The following MDH1 variants were observed in gnomAD, a reference collection of about 807,000 sequenced individuals.
MDH1 encodes malate dehydrogenase 1.
Under a neutral mutation model 38.7 loss-of-function variants are expected in MDH1, and 15 were observed. The observed-to-expected ratio is 0.39, with a 90% CI of 0.26 to 0.60. MDH1 has a LOEUF of 0.60. Ranked by LOEUF, MDH1 falls within the 20% of genes least tolerant of loss-of-function variation. MDH1 has a pLI of 0.56. For missense variants in MDH1, 368 were observed against 405.2 expected, an observed-to-expected ratio of 0.91 and a Z score of 0.79; for synonymous variants, 144 against 143.6, an observed-to-expected ratio of 1.00 and a Z score of -0.02.
chr2:63,602,934 C>CTTTTTTTTTTTTTTTTTT lies in MDH1; in HGVS notation c.499-1736_499-1719dup, dbSNP rs370479356. 1.4e-4 allele frequency among the ~76,000 whole-genome samples: 18 copies of CTTTTTTTTTTTTTTTTTT among 131,530 alleles called. 2 individuals carry two copies. The highest frequency in any genetic ancestry group is 2.4e-4 in the South Asian group (1 of 4,162). The allele number at this position is 131,530 out of a possible 152,430, so 86.3% of individuals were successfully genotyped here. ...ACATAATACAGTTTATTTAACCGTT[C>CTTTTTTTTTTTTTTTTTT]TTTTTTTTTTTTTTTTTTTTTTTTT... On this transcript the variant is annotated intron_variant, in intron 5 of 8. Coordinates refer to ENST00000233114, the MANE Select transcript of MDH1 (RefSeq NM_005917.4).
intron 4 of MDH1, 105 bp downstream of exon 4, chr2:63,597,679 G>A: frequency 1.9e-6 from 2 of 1,033,448 alleles, no homozygotes; most frequent in Non-Finnish European, 1.3e-6. Flanking sequence ...TTCTAGTTCT[G>A]TACAATCATC....
intron 1 of MDH1, chr2:63,590,878 T>C (rs1232473145): frequency 2.6e-5 from 4 of 152,224 alleles, no homozygotes; most frequent in African/African-American, 7.2e-5. Flanking sequence ...AAAAGAGCCT[T>C]CTTCTGTAAG....
chr2:63,597,035 A>C (rs1431953704), intron 3 of MDH1, among the ~76,000 whole-genome samples: 2 of 152,186 alleles, frequency 1.3e-5, no homozygotes, highest in Non-Finnish European at 2.9e-5. Context: ...AGTAATTGTA[A>C]TTTAAAGGTT....
At position 63,604,960 on chromosome 2, in the gene MDH1, C is replaced by T. The variant is rs1575727029; in HGVS notation, c.675+88C>T. 6.0e-6 allele frequency: 8 copies of T among 1,326,740 alleles called. No individual in the cohort carries two copies. The East Asian group carries it at 1.9e-4, about 31-fold the overall frequency. 82.2% of individuals were successfully genotyped at this position (1,326,740 alleles called of 1,614,324 possible). A position where few individuals can be genotyped will look rare whatever the true frequency, so the allele number is the denominator to read the frequency against. On this transcript the variant is annotated intron_variant, in intron 6 of 8. Coordinates refer to ENST00000233114, the MANE Select transcript of MDH1 (RefSeq NM_005917.4). The stretch of plus-strand genomic sequence containing the variant: ...ACAGAAAACCTTAAAGAGGGCAGGT[C>T]TTTCACAGTTGCTCTGATGACTGCA...
Position 63,604,877 on chromosome 2 carries a change from GA to G in MDH1, c.675+10del. ...CTCAAGGGAGAATTTGTCACGGTAA[GA>G]AAAATCTGTGAGCCTTCTTAACACT... On this transcript the variant is annotated splice_donor_region_variant and intron_variant, in intron 6 of 8. Coordinates refer to ENST00000233114, the MANE Select transcript of MDH1 (RefSeq NM_005917.4). 6.2e-7 allele frequency: 1 copy of G among 1,613,652 alleles called. No individual in the cohort carries two copies. Among genetic ancestry groups the G allele is most frequent in the Non-Finnish European group, 8.5e-7 (1 of 1,179,756 alleles).
Position 63,607,191 on chromosome 2 carries a change from A to G in MDH1, c.*204A>G, listed in dbSNP as rs955989108. On this transcript the variant is annotated 3_prime_UTR_variant, in exon 9 of 9. Coordinates refer to ENST00000233114, the MANE Select transcript of MDH1 (RefSeq NM_005917.4). ...TGCATTCTAAATAAATATATATTCA[A>G]ATGAAAGTGACTCAGACTCTGTTTC... is the stretch of plus-strand genomic sequence containing the variant. 4 of 331,618 alleles carry G rather than the reference A, an allele frequency of 1.2e-5. No individual in the cohort carries two copies. Among genetic ancestry groups the G allele is most frequent in the African/African-American group, 4.3e-5 (2 of 46,198 alleles). The allele number at this position is 331,618 out of a possible 1,614,324, so 20.5% of individuals were successfully genotyped here.
At chr2:63,595,784 T>G (rs1263312774) in intron 3 of MDH1, among the ~76,000 whole-genome samples, 1 of 152,220 alleles carries the variant, frequency 6.6e-6, no homozygotes, top group East Asian at 1.9e-4. Context: ...AAGTGTAATA[T>G]TGCACAAGGG....
At chr2:63,604,371 T>G (rs1334894376) in intron 5 of MDH1, among the ~76,000 whole-genome samples, 1 of 152,238 alleles carries the variant, frequency 6.6e-6, no homozygotes, top group Non-Finnish European at 1.5e-5. Context: ...CAAGAAATAG[T>G]AAATTGATAA....
chr2:63,601,467 GA>G (rs1709417234), intron 5 of MDH1, among the ~76,000 whole-genome samples: 1 of 152,188 alleles, frequency 6.6e-6, no homozygotes, highest in Admixed American at 6.5e-5. Flanking sequence ...TAGCTTGTAA[GA>G]AAATTACTAG....
Position 63,607,083 on chromosome 2 carries a change from C to G in MDH1, c.*96C>G. The G allele has an allele frequency of 1.6e-6, 2 of 1,254,876 alleles. No individual in the cohort carries two copies. Among genetic ancestry groups the G allele is most frequent in the Non-Finnish European group, 2.2e-6 (2 of 920,528 alleles). The allele number at this position is 1,254,876 out of a possible 1,614,324, so 77.7% of individuals were successfully genotyped here. ...TAATAATAATGCTATACTTAAATTA[C>G]TTGTGAAAAACAACACATTTTAAAG... On this transcript the variant is annotated 3_prime_UTR_variant, in exon 9 of 9. Coordinates refer to ENST00000233114, the MANE Select transcript of MDH1 (RefSeq NM_005917.4).
chr2:63,595,746 T>G (rs1709298247), intron 3 of MDH1, among the ~76,000 whole-genome samples: 1 of 152,172 alleles, frequency 6.6e-6, no homozygotes, highest in Admixed American at 6.5e-5. Context: ...CCCCAATGTG[T>G]GTGTGTATAT....
chr2:63,605,424 C>T, intron 7 of MDH1, 31 bp downstream of exon 7: 1 of 1,450,976 alleles, frequency 6.9e-7, no homozygotes, highest in Non-Finnish European at 9.7e-7. Flanking sequence ...ACAGGTCACT[C>T]TATTTTATTT....
intron 5 of MDH1, among the ~76,000 whole-genome samples, chr2:63,601,019 T>G (rs1308935313): frequency 6.6e-6 from 1 of 152,214 alleles, no homozygotes; most frequent in Non-Finnish European, 1.5e-5. Context: ...AGAGATACTT[T>G]GTCCTGGTGC....
Position 63,606,956 on chromosome 2 carries a change from A to C in MDH1, c.974A>C (p.Glu325Ala). Residue 325 changes from glutamate (E) to alanine (A), a missense_variant, in exon 9 of 9, where the codon GAA becomes GCA. Coordinates refer to ENST00000233114, the MANE Select transcript of MDH1 (RefSeq NM_005917.4). ...LTAKELTEEK[E>A]SAFEFLSSA is the part of the protein sequence containing the mutation. Reference sequence around the variant, plus strand: ...GCAAAGGAACTGACAGAAGAAAAAGAAAGTGCTTTTGAATTTCTTTCCTCT... The same window carrying C: ...GCAAAGGAACTGACAGAAGAAAAAGCAAGTGCTTTTGAATTTCTTTCCTCT... The C allele has an allele frequency of 6.2e-7, 1 of 1,612,838 alleles. No homozygotes were observed.
intron 1 of MDH1, chr2:63,593,208 A>C (rs1208461431): frequency 6.0e-6 from 1 of 165,560 alleles, no homozygotes; most frequent in Non-Finnish European, 1.3e-5. Context: ...CAAGTGATTC[A>C]CCTGCCTCAG....
intron 3 of MDH1, 154 bp from the exon 4 acceptor site, chr2:63,597,245 T>C: frequency 1.0e-6 from 1 of 965,388 alleles, no homozygotes. Flanking sequence ...GTTAAATTAA[T>C]ATATTATCTT....
intron 1 of MDH1, among the ~76,000 whole-genome samples, chr2:63,592,044 T>C (rs1709209662): frequency 6.6e-6 from 1 of 152,228 alleles, no homozygotes; most frequent in African/African-American, 2.4e-5. Flanking sequence ...CTTTAATTAC[T>C]ACTCTCTACT....
chr2:63,602,934 C>CTTTTG (rs1709452776), intron 5 of MDH1, among the ~76,000 whole-genome samples: 3 of 131,538 alleles, frequency 2.3e-5, no homozygotes, highest in Non-Finnish European at 5.0e-5. Context: ...TTTAACCGTT[C>CTTTTG]TTTTTTTTTT....
rs768207288 is a variant in MDH1, at chr2:63,605,293, G to A, written c.689G>A (p.Arg230His). The A allele has an allele frequency of 9.3e-6, 15 of 1,613,146 alleles. No homozygotes were observed. The highest frequency in any genetic ancestry group is 1.2e-5 in the Non-Finnish European group (14 of 1,179,120). The part of the protein sequence containing the change: ...KGEFVTTVQQ[R>H]GAAVIKARKL... ...CCCCCTTCCCAGACTGTGCAGCAGC[G>A]TGGCGCTGCTGTCATCAAGGCTCGA... is the stretch of plus-strand genomic sequence containing the variant. The change falls in exon 7 of 9, where the codon CGT becomes CAT. Residue 230 changes from arginine (R) to histidine (H), a missense_variant. By Grantham distance (29) the Arg-to-His change is conservative. Transcript: ENST00000233114.
Sources: allele counts gnomAD v4.1 joint callset (sites outside exome capture counted in the v4.1 genomes callset), GRCh38; gene constraint gnomAD v4.1.1; transcripts MANE v1.5; gene names NCBI Gene and HGNC (gene_info 2026-07-23, HGNC 2026-07-21).